Variants in LARGE1 observed in about 807,000 individuals in gnomAD.
LARGE1 encodes the protein LARGE xylosyl- and glucuronyltransferase 1.
Under a neutral mutation model 87.6 loss-of-function variants are expected in LARGE1, and 43 were observed. The ratio of observed to expected loss-of-function variants is 0.49; its 90% confidence interval spans 0.38 to 0.63. LARGE1 has a LOEUF of 0.63. LARGE1 is among the 30% of genes least tolerant of loss of function. LARGE1 has a pLI of 0.00. For synonymous variants in LARGE1, 434 were observed against 394.6 expected (o/e 1.10, Z -1.18); for missense variants, 802 against 1,000.2 (o/e 0.80, Z 2.67).
intron 1 of LARGE1, among the ~76,000 whole-genome samples, chr22:33,880,095 T>C (rs1029910776): frequency 2.6e-5 from 4 of 152,238 alleles, no homozygotes; most frequent in African/African-American, 9.6e-5. Context: ...TCTCCATTTT[T>C]ATTAATTGCT....
chr22:33,623,255 G>T (rs1219195536), intron 4 of LARGE1, among the ~76,000 whole-genome samples: 1 of 151,758 alleles, frequency 6.6e-6, no homozygotes, highest in African/African-American at 2.4e-5. Context: ...AAAATGCCTG[G>T]TTTTAAGCCA....
At chr22:33,509,963 T>A (rs2070976954) in intron 6 of LARGE1, among the ~76,000 whole-genome samples, 1 of 152,154 alleles carries the variant, frequency 6.6e-6, no homozygotes, top group Non-Finnish European at 1.5e-5. Flanking sequence ...TGAGCCCTCA[T>A]CTCTGACCTT....
At chr22:33,348,518 G>A (rs1398021361) in intron 9 of LARGE1, among the ~76,000 whole-genome samples, 2 of 152,112 alleles carry the variant, frequency 1.3e-5, no homozygotes, top group African/African-American at 4.8e-5. Flanking sequence ...GTGTCAACTT[G>A]ACTGGATCAT....
chr22:33,318,593 G>A (rs1405082604), intron 10 of LARGE1, among the ~76,000 whole-genome samples: 2 of 151,816 alleles, frequency 1.3e-5, no homozygotes, highest in Non-Finnish European at 2.9e-5. Context: ...ACCGGGGCCT[G>A]TTGTGGGGTT....
At chr22:33,254,340 C>CTT (rs1927152901) in intron 11 of LARGE1, among the ~76,000 whole-genome samples, 1 of 152,180 alleles carries the variant, frequency 6.6e-6, no homozygotes, top group Non-Finnish European at 1.5e-5. Flanking sequence ...ACTAGGACAG[C>CTT]TGGCAGTCTT....
chr22:33,606,811 T>C (rs12159636), intron 4 of LARGE1, among the ~76,000 whole-genome samples: 5 of 152,240 alleles, frequency 3.3e-5, no homozygotes, highest in African/African-American at 1.2e-4. Context: ...CAGCACTTGG[T>C]TATCTCTTAG....
chr22:33,829,610 C>T (rs905169628), intron 1 of LARGE1, among the ~76,000 whole-genome samples: 10 of 152,232 alleles, frequency 6.6e-5, no homozygotes, highest in Admixed American at 4.6e-4. Flanking sequence ...CTTAATAGTT[C>T]CTTTAATGGT....
At chr22:33,533,416 C>T (rs1007117087) in intron 6 of LARGE1, among the ~76,000 whole-genome samples, 8 of 152,142 alleles carry the variant, frequency 5.3e-5, no homozygotes, top group Admixed American at 6.6e-5. Flanking sequence ...AATGAAGATG[C>T]TGTCTCCCCA....
the LARGE1 span, among the ~76,000 whole-genome samples, chr22:33,081,732 A>G: frequency 6.6e-6 from 1 of 152,202 alleles, no homozygotes; most frequent in Non-Finnish European, 1.5e-5. Context: ...TCTATCCAGA[A>G]CCTAGACTGG....
chr22:33,136,346 G>C, the LARGE1 span, among the ~76,000 whole-genome samples: 1 of 152,154 alleles, frequency 6.6e-6, no homozygotes, highest in African/African-American at 2.4e-5. Flanking sequence ...GCAGACAAGA[G>C]AGAATGAGAA....
intron 6 of LARGE1, among the ~76,000 whole-genome samples, chr22:33,547,518 C>A (rs907298151): frequency 6.6e-6 from 1 of 151,958 alleles, no homozygotes; most frequent in Non-Finnish European, 1.5e-5. Context: ...CTTAAAAGCA[C>A]GTTCTCATGG....
chr22:33,092,722 T>G, the LARGE1 span, among the ~76,000 whole-genome samples: 1 of 145,934 alleles, frequency 6.9e-6, no homozygotes, highest in African/African-American at 2.5e-5. Flanking sequence ...GAACATGTGG[T>G]GTTTGGTTTT....
chr22:33,236,085 C>T (rs1926235882), intron 11 of LARGE1, among the ~76,000 whole-genome samples: 1 of 152,152 alleles, frequency 6.6e-6, no homozygotes, highest in South Asian at 2.1e-4. Flanking sequence ...TTGCCAGCAA[C>T]CACCACAGCT....
chr22:33,489,223 G>T (rs933277578), intron 6 of LARGE1, among the ~76,000 whole-genome samples: 1 of 152,212 alleles, frequency 6.6e-6, no homozygotes. Flanking sequence ...AATGACAAAT[G>T]GTGATAGGTG....
At chr22:33,120,358 T>TTTCTTTCTTTC in the LARGE1 span, among the ~76,000 whole-genome samples, 90 of 118,774 alleles carry the variant, frequency 7.6e-4, 1 homozygote, top group African/African-American at 2.9e-3. Flanking sequence ...TTTTCTTTCT[T>TTTCTTTCTTTC]TTTCTTTCTT....
chr22:33,408,695 C>CTT (rs572399860), intron 7 of LARGE1, among the ~76,000 whole-genome samples: 25 of 136,032 alleles, frequency 1.8e-4, no homozygotes, highest in South Asian at 7.2e-4. Context: ...ATAGACTTGT[C>CTT]TTTTTTTTTT....
At chr22:33,621,822 G>A (rs2079763704) in intron 4 of LARGE1, among the ~76,000 whole-genome samples, 1 of 152,210 alleles carries the variant, frequency 6.6e-6, no homozygotes, top group Non-Finnish European at 1.5e-5. Flanking sequence ...AAGGTGGTCA[G>A]TAGTCATTAA....
chr22:33,584,310 G>A (rs1052702118), intron 5 of LARGE1, among the ~76,000 whole-genome samples: 41 of 152,008 alleles, frequency 2.7e-4, no homozygotes, highest in African/African-American at 9.2e-4. Context: ...CTGTGTTCTC[G>A]ACAATGATGT....
intron 3 of LARGE1, among the ~76,000 whole-genome samples, chr22:33,649,615 A>G (rs551085992): frequency 6.6e-6 from 1 of 152,278 alleles, no homozygotes; most frequent in South Asian, 2.1e-4. Context: ...GATCAAGGGT[A>G]CTCTCTGCAT....
Sources: allele counts gnomAD v4.1 joint callset (sites outside exome capture counted in the v4.1 genomes callset), GRCh38; gene constraint gnomAD v4.1.1; transcripts MANE v1.5; gene names NCBI Gene and HGNC (gene_info 2026-07-23, HGNC 2026-07-21).